ASMTL: variants seen among roughly 807,000 people sequenced by gnomAD.
ASMTL encodes the protein acetylserotonin O-methyltransferase like.
Under a neutral mutation model 60.3 loss-of-function variants are expected in ASMTL, and 57 were observed. The ratio of observed to expected loss-of-function variants is 0.95; its 90% CI spans 0.76 to 1.18. The LOEUF (loss-of-function observed/expected upper bound fraction) is 1.18. Ranked by LOEUF, ASMTL falls within the 50% of genes most tolerant of loss-of-function variation. The pLI is 0.00. For missense variants in ASMTL, 981 were observed against 852.6 expected, an observed-to-expected ratio of 1.15 and a Z score of -1.88; for synonymous variants, 419 against 373.0, an observed-to-expected ratio of 1.12 and a Z score of -1.42.
intron 1 of ASMTL, among the ~76,000 whole-genome samples, chrX:1,445,607 T>C (rs764527479): frequency 1.3e-5 from 2 of 151,960 alleles, no homozygotes; most frequent in South Asian, 2.1e-4. Context: ...GCACCTCTCA[T>C]TGTGGGCGGC....
At chrX:1,449,681 C>G (rs1267124666) in intron 1 of ASMTL, among the ~76,000 whole-genome samples, 2 of 148,100 alleles carry the variant, frequency 1.4e-5, no homozygotes, top group African/African-American at 5.1e-5. Context: ...TATGCCCCAT[C>G]ATCAAACCCA....
intron 1 of ASMTL, among the ~76,000 whole-genome samples, chrX:1,450,018 C>T (rs2091322925): frequency 6.6e-6 from 1 of 150,634 alleles, no homozygotes; most frequent in South Asian, 2.1e-4. Flanking sequence ...TAACTATCTC[C>T]CATCACCAGT....
chrX:1,405,994 A>G (rs1381792762), intron 12 of ASMTL, among the ~76,000 whole-genome samples: 3 of 147,600 alleles, frequency 2.0e-5, no homozygotes, highest in South Asian at 4.4e-4. Flanking sequence ...ATGGATGGAT[A>G]GATGGATGTA....
chrX:1,439,477 C>A (rs1299211354), intron 2 of ASMTL, among the ~76,000 whole-genome samples: 1 of 152,202 alleles, frequency 6.6e-6, no homozygotes, highest in African/African-American at 2.4e-5. Context: ...AGGTTTGATT[C>A]AGGGGCCCCA....
chrX:1,433,679 C>CA (rs1212934775), intron 5 of ASMTL, among the ~76,000 whole-genome samples: 6 of 148,642 alleles, frequency 4.0e-5, no homozygotes, highest in East Asian at 2.0e-4. Flanking sequence ...GACTCTGTCA[C>CA]AAAAAAGAAA....
intron 12 of ASMTL, 36 bp from the exon 13 acceptor site, chrX:1,403,525 G>C (rs760840123): frequency 1.4e-5 from 23 of 1,591,022 alleles, no homozygotes; most frequent in Non-Finnish European, 1.6e-5. Context: ...GTCCTGGCCA[G>C]CCAGGCGGGG....
chrX:1,443,620 G>GACACCGCCATCATGGACAC (rs2091169286), intron 1 of ASMTL, among the ~76,000 whole-genome samples: 1 of 123,132 alleles, frequency 8.1e-6, no homozygotes, highest in South Asian at 2.7e-4. Context: ...ATCGTGGACA[G>GACACCGCCATCATGGACAC]ACACCGCCAT....
intron 11 of ASMTL, among the ~76,000 whole-genome samples, chrX:1,416,741 TC>T (rs2149288331): frequency 1.9e-4 from 1 of 5,176 alleles, no homozygotes; most frequent in South Asian, 0.014. Flanking sequence ...CCACACACAG[TC>T]AGTCATGCAC....
chrX:1,405,522 AGAT>A (rs1406000153), intron 12 of ASMTL, among the ~76,000 whole-genome samples: 2 of 147,700 alleles, frequency 1.4e-5, no homozygotes, highest in African/African-American at 5.0e-5. Context: ...ATGGGTGTAT[AGAT>A]GATGGGTAGG....
At chrX:1,434,561 T>C (rs1273346635) in intron 5 of ASMTL, among the ~76,000 whole-genome samples, 11 of 149,798 alleles carry the variant, frequency 7.3e-5, no homozygotes, top group African/African-American at 2.7e-4. Flanking sequence ...CCCAGCACTT[T>C]GGGAGGCTGA....
chrX:1,438,001 A>G (rs1273783543), intron 3 of ASMTL, among the ~76,000 whole-genome samples: 1 of 146,604 alleles, frequency 6.8e-6, no homozygotes, highest in Non-Finnish European at 1.5e-5. Flanking sequence ...AGAAGGGGAA[A>G]ATTTCAGCCG....
intron 12 of ASMTL, 67 bp downstream of exon 12, chrX:1,412,665 C>A: frequency 1.2e-6 from 2 of 1,608,640 alleles, no homozygotes; most frequent in Non-Finnish European, 1.7e-6. Context: ...GCCCGGCCTC[C>A]TTGTAAAACT....
At chrX:1,428,421 T>C (rs1219553931) in intron 6 of ASMTL, among the ~76,000 whole-genome samples, 5 of 151,248 alleles carry the variant, frequency 3.3e-5, no homozygotes, top group Non-Finnish European at 7.4e-5. Flanking sequence ...ACGGGTGGAT[T>C]ACTTGAGGTC....
intron 1 of ASMTL, among the ~76,000 whole-genome samples, chrX:1,448,605 C>G (rs1172480427): frequency 6.6e-6 from 1 of 151,800 alleles, no homozygotes; most frequent in South Asian, 2.1e-4. Flanking sequence ...ACACGGCCAT[C>G]TTGGATAAGC....
At chrX:1,403,755 A>G (rs2089683502) in intron 12 of ASMTL, among the ~76,000 whole-genome samples, 1 of 152,162 alleles carries the variant, frequency 6.6e-6, no homozygotes, top group African/African-American at 2.4e-5. Flanking sequence ...TCCTGGATGC[A>G]TGGATGAACA....
intron 1 of ASMTL, among the ~76,000 whole-genome samples, chrX:1,447,433 C>T (rs1371662246): frequency 3.3e-5 from 5 of 151,526 alleles, no homozygotes; most frequent in Admixed American, 2.6e-4. Context: ...ATAAGCACCA[C>T]CATCTTGGAC....
chrX:1,415,427 T>C (rs6655388), intron 11 of ASMTL, among the ~76,000 whole-genome samples: 145,185 of 151,364 alleles, frequency 0.96, 69,811 homozygotes, highest in East Asian at 1. Flanking sequence ...CTTCACACAG[T>C]CGTCCACCTG....
At chrX:1,447,868 C>T (rs1226183895) in intron 1 of ASMTL, among the ~76,000 whole-genome samples, 2 of 151,232 alleles carry the variant, frequency 1.3e-5, no homozygotes, top group African/African-American at 2.4e-5. Flanking sequence ...GGGACACACA[C>T]TGCCATCTTG....
chrX:1,415,994 G>C (rs113817787), intron 11 of ASMTL, among the ~76,000 whole-genome samples: 4,572 of 151,676 alleles, frequency 0.03, 270 homozygotes, highest in African/African-American at 0.1. Flanking sequence ...TGGACACACA[G>C]ATACAGCAAG....
Sources: allele counts gnomAD v4.1 joint callset (sites outside exome capture counted in the v4.1 genomes callset), GRCh38; gene constraint gnomAD v4.1.1; transcripts MANE v1.5; gene names NCBI Gene and HGNC (gene_info 2026-07-23, HGNC 2026-07-21).